RIMKLB: variants seen among roughly 807,000 people sequenced by gnomAD.
RIMKLB encodes ribosomal modification protein rimK like family member B.
RIMKLB carries 7 observed loss-of-function variants against 32.0 expected under a neutral mutation model. The ratio of observed to expected loss-of-function variants is 0.22; its 90% CI spans 0.12 to 0.41. The LOEUF is 0.41. RIMKLB is among the 10% of genes least tolerant of loss of function. The pLI is 1.00. For missense variants in RIMKLB, 289 were observed against 498.7 expected (o/e 0.58, Z 4.00); for synonymous variants, 172 against 185.1 (o/e 0.93, Z 0.57).
intron 1 of RIMKLB, among the ~76,000 whole-genome samples, chr12:8,685,187 A>G (rs1336284456): frequency 2.6e-5 from 4 of 152,188 alleles, no homozygotes; most frequent in African/African-American, 9.7e-5. Flanking sequence ...AAGTAGTAAA[A>G]GAAGCCATGC....
At chr12:8,748,824 A>G (rs185121871) in intron 2 of RIMKLB, among the ~76,000 whole-genome samples, 1 of 151,950 alleles carries the variant, frequency 6.6e-6, no homozygotes, top group Non-Finnish European at 1.5e-5. Flanking sequence ...CTGTAGTCCC[A>G]GCCACTCTGG....
At chr12:8,710,264 A>G (rs992758819) in intron 1 of RIMKLB, among the ~76,000 whole-genome samples, 2 of 138,766 alleles carry the variant, frequency 1.4e-5, no homozygotes, top group Admixed American at 7.2e-5. Flanking sequence ...AAAATGAACT[A>G]CCGCTCCCCG....
In RIMKLB at chr12:8,775,257, G is replaced by C; in HGVS notation, c.*1473G>C. ...ATGTTTTTGTTTGGGGACTTATTTA[G>C]TAGTATTGAGTCTCTTATAGCCCTA... On this transcript the variant is annotated 3_prime_UTR_variant, in exon 6 of 6. Coordinates refer to ENST00000535829, the MANE Select transcript of RIMKLB (RefSeq NM_001297776.2). 1 of 985,458 alleles carries C rather than the reference G, an allele frequency of 1.0e-6. No individual in the cohort carries two copies. The highest frequency in any genetic ancestry group is 1.2e-6 in the Non-Finnish European group (1 of 829,790). The allele number at this position is 985,458 out of a possible 1,614,324, so 61.0% of individuals were successfully genotyped here.
intron 3 of RIMKLB, 134 bp from the exon 4 acceptor site, chr12:8,751,823 C>A: frequency 1.6e-6 from 1 of 622,220 alleles, no homozygotes; most frequent in South Asian, 2.1e-5. Flanking sequence ...CATACTTTCT[C>A]CAAGAAAAAA....
intron 2 of RIMKLB, among the ~76,000 whole-genome samples, chr12:8,725,445 T>C (rs1945887964): frequency 6.6e-6 from 1 of 152,092 alleles, no homozygotes; most frequent in African/African-American, 2.4e-5. Flanking sequence ...GCGCAGCTAA[T>C]TTTTGTGTTT....
chr12:8,775,888 A>T lies in RIMKLB; in HGVS notation c.*2104A>T. On this transcript the variant is annotated 3_prime_UTR_variant, in exon 6 of 6. Transcript: ENST00000535829. ...TGCGCAGGGTAAATGGGGGACTCACATACATATATTAATACCTCTGACTCA... is the reference window on the plus strand; with the variant it reads ...TGCGCAGGGTAAATGGGGGACTCACTTACATATATTAATACCTCTGACTCA... The T allele has an allele frequency of 1.0e-6, 1 of 985,248 alleles. No homozygotes were observed. Among genetic ancestry groups the T allele is most frequent in the Admixed American group, 6.1e-5 (1 of 16,278 alleles). 61.0% of individuals were successfully genotyped at this position (985,248 alleles called of 1,614,324 possible).
chr12:8,673,661 T>C, the RIMKLB span, among the ~76,000 whole-genome samples: 6 of 151,722 alleles, frequency 4.0e-5, no homozygotes, highest in Non-Finnish European at 8.8e-5. Flanking sequence ...AGTGTTACAA[T>C]CTTGGCTCAC....
At chr12:8,769,896 T>A (rs1012978757) in intron 5 of RIMKLB, among the ~76,000 whole-genome samples, 2 of 152,202 alleles carry the variant, frequency 1.3e-5, no homozygotes, top group African/African-American at 4.8e-5. Flanking sequence ...TCCTACTCTT[T>A]CCACTTGATT....
chr12:8,718,790 A>C (rs1475077315), intron 2 of RIMKLB, among the ~76,000 whole-genome samples: 2 of 152,130 alleles, frequency 1.3e-5, no homozygotes, highest in African/African-American at 4.8e-5. Context: ...TCCTCTGCCC[A>C]CATACATGGA....
rs76815733 is a variant in RIMKLB at position 8,759,466 on chromosome 12, A to G, written c.697+5373A>G. 5.3e-5 allele frequency among the ~76,000 whole-genome samples: 8 copies of G among 152,254 alleles called. No individual in the cohort carries two copies. In the East Asian group the frequency reaches 1.5e-3, roughly 29 times the overall value. ...ATTTCAACTTGCAATTTTTTTTCCA[A>G]TCAGATGAGAATTAATTGCTATCTT... On this transcript the variant is annotated intron_variant, in intron 5 of 5. Transcript: ENST00000535829.
rs191041126 is a variant in RIMKLB, at chr12:8,775,860, T to C, written c.*2076T>C. The C allele has an allele frequency of 6.8e-4, 671 of 985,118 alleles. No homozygotes were observed. The highest frequency in any genetic ancestry group is 6.1e-4 in the Non-Finnish European group (508 of 829,668). The allele number at this position is 985,118 out of a possible 1,614,324, so 61.0% of individuals were successfully genotyped here. On this transcript the variant is annotated 3_prime_UTR_variant, in exon 6 of 6. Transcript: ENST00000535829. ...TTCTAATTGCATTTAAAAGAACTTA[T>C]CTTGCGCAGGGTAAATGGGGGACTC...
intron 2 of RIMKLB, among the ~76,000 whole-genome samples, chr12:8,719,295 A>G (rs1265112885): frequency 6.6e-6 from 1 of 152,120 alleles, no homozygotes; most frequent in Non-Finnish European, 1.5e-5. Context: ...TAGTTTATTT[A>G]TTCAACTGCT....
intron 5 of RIMKLB, among the ~76,000 whole-genome samples, chr12:8,759,606 G>A (rs947307826): frequency 2.6e-5 from 4 of 152,068 alleles, no homozygotes; most frequent in Admixed American, 1.3e-4. Context: ...TATTTGCTTA[G>A]TTTTAAATTG....
At chr12:8,732,756 T>TATACACACACACACAC (rs1213499853) in intron 2 of RIMKLB, among the ~76,000 whole-genome samples, 1 of 150,048 alleles carries the variant, frequency 6.7e-6, no homozygotes, top group African/African-American at 2.5e-5. Flanking sequence ...TATATATATA[T>TATACACACACACACAC]ACACACACAC....
upstream of RIMKLB, among the ~76,000 whole-genome samples, chr12:8,677,918 AAT>A (rs908694972): frequency 2.0e-5 from 3 of 148,808 alleles, no homozygotes; most frequent in African/African-American, 7.3e-5. Context: ...ATGCCTGGCT[AAT>A]TTATTTTTAT....
At position 8,775,409 on chromosome 12, in the gene RIMKLB, ATGG is replaced by A; in HGVS notation, c.*1627_*1629del. 6 of 985,358 alleles carry A rather than the reference ATGG, an allele frequency of 6.1e-6. No individual in the cohort carries two copies. The highest frequency in any genetic ancestry group is 6.0e-6 in the Non-Finnish European group (5 of 829,898). The allele number at this position is 985,358 out of a possible 1,614,324, so 61.0% of individuals were successfully genotyped here. A position where few individuals can be genotyped will look rare whatever the true frequency, so the allele number is the denominator to read the frequency against. ...AAACTAATCCCATTGATGGGTTTGGATGGTATGTTAAGAAATGGAGATGCTGCA... is the reference window on the plus strand; with the variant it reads ...AAACTAATCCCATTGATGGGTTTGGATATGTTAAGAAATGGAGATGCTGCA... On this transcript the variant is annotated 3_prime_UTR_variant, in exon 6 of 6. Coordinates refer to ENST00000535829, the MANE Select transcript of RIMKLB (RefSeq NM_001297776.2).
intron 2 of RIMKLB, among the ~76,000 whole-genome samples, chr12:8,724,962 T>C (rs1945839850): frequency 6.6e-6 from 1 of 152,214 alleles, no homozygotes; most frequent in Non-Finnish European, 1.5e-5. Flanking sequence ...CCCTCTTTAA[T>C]GCATTTGTCT....
chr12:8,676,313 A>AT, the RIMKLB span, among the ~76,000 whole-genome samples: 1 of 139,260 alleles, frequency 7.2e-6, no homozygotes, highest in African/African-American at 2.6e-5. Context: ...AGCTTGAGTG[A>AT]TCCCCCAGTC....
At position 8,775,024 on chromosome 12, in the gene RIMKLB, C is replaced by T; in HGVS notation, c.*1240C>T. 10 of 985,676 alleles carry T rather than the reference C, an allele frequency of 1.0e-5. No homozygotes were observed. Among genetic ancestry groups the T allele is most frequent in the Non-Finnish European group, 1.2e-5 (10 of 829,846 alleles). 61.1% of individuals were successfully genotyped at this position (985,676 alleles called of 1,614,324 possible). A position where few individuals can be genotyped will look rare whatever the true frequency, so the allele number is the denominator to read the frequency against. On this transcript the variant is annotated 3_prime_UTR_variant, in exon 6 of 6. Transcript: ENST00000535829. ...ATGAGTTGTTTTCATAAGTAGACTC[C>T]ACTGGGGTAGAGGTATTCACCTTAA... is the stretch of plus-strand genomic sequence containing the variant.
Sources: gnomAD v4.1 joint callset for allele counts (sites outside exome capture counted in the v4.1 genomes callset) on GRCh38, gnomAD v4.1.1 for gene constraint, MANE v1.5 for transcripts, NCBI Gene and HGNC (gene_info 2026-07-23, HGNC 2026-07-21) for gene names.